MYT1L: variants seen among roughly 807,000 people sequenced by gnomAD.
MYT1L encodes myelin transcription factor 1 like.
MYT1L carries 12 observed loss-of-function variants against 126.7 expected under a neutral mutation model. The observed-to-expected ratio is 0.09, with a 90% CI of 0.06 to 0.15. The LOEUF (loss-of-function observed/expected upper bound fraction) is 0.15. MYT1L is among the 10% of genes least tolerant of loss of function. The probability of loss-of-function intolerance (pLI) is 1.00; values close to 1 mark genes in which losing one functional copy is unlikely to be tolerated. For missense variants in MYT1L, 979 were observed against 1,585.2 expected (o/e 0.62, Z 6.49); for synonymous variants, 541 against 604.2 (o/e 0.90, Z 1.53).
chr2:2,080,663 A>T (rs2075721591), intron 3 of MYT1L, among the ~76,000 whole-genome samples: 1 of 152,210 alleles, frequency 6.6e-6, no homozygotes, highest in Non-Finnish European at 1.5e-5. Flanking sequence ...TGGCTATTGC[A>T]AAAAAGGAAA....
intron 3 of MYT1L, among the ~76,000 whole-genome samples, chr2:2,068,728 CTTTT>C (rs201270937): frequency 6.0e-5 from 4 of 67,030 alleles, no homozygotes; most frequent in African/African-American, 2.1e-4. Flanking sequence ...GTAATACTGG[CTTTT>C]TTTTTTTTTT....
chr2:2,191,098 T>C (rs1258066648), intron 2 of MYT1L, among the ~76,000 whole-genome samples: 1 of 152,194 alleles, frequency 6.6e-6, no homozygotes, highest in Non-Finnish European at 1.5e-5. Flanking sequence ...CAGGTTGTTT[T>C]AAGTGAGGTC....
chr2:2,003,922 C>A (rs1448856386), intron 4 of MYT1L, among the ~76,000 whole-genome samples: 1 of 152,112 alleles, frequency 6.6e-6, no homozygotes, highest in Non-Finnish European at 1.5e-5. Flanking sequence ...GCCTTTCGTG[C>A]ATGCCTTCTT....
intron 2 of MYT1L, among the ~76,000 whole-genome samples, chr2:2,211,777 C>T (rs1379562694): frequency 6.8e-6 from 1 of 148,046 alleles, no homozygotes; most frequent in African/African-American, 2.5e-5. Flanking sequence ...TGCACTCCAG[C>T]CTGGGGACAG....
Position 1,922,237 on chromosome 2 carries a change from C to T in MYT1L, c.1483+49G>A. On this transcript the variant is annotated intron_variant, in intron 10 of 24. Coordinates refer to ENST00000647738, the MANE Select transcript of MYT1L (RefSeq NM_001303052.2). This position sits in a 1 kb window ranked among gnomAD's most constrained non-coding sequence, Gnocchi z 7.4. The stretch of plus-strand genomic sequence containing the variant: ...TGTAGACTACCACCAACATCCTTTA[C>T]CCTAGCTCATGTTTTCATGAGGCAA... The T allele has an allele frequency of 6.3e-7, 1 of 1,589,202 alleles. No individual in the cohort carries two copies. Among genetic ancestry groups the T allele is most frequent in the Admixed American group, 1.7e-5 (1 of 58,844 alleles).
intron 9 of MYT1L, among the ~76,000 whole-genome samples, chr2:1,927,435 C>T (rs1480725436): frequency 1.3e-5 from 2 of 152,178 alleles, no homozygotes; most frequent in Admixed American, 6.5e-5. Flanking sequence ...ACAAAAGAAA[C>T]GTGGTTGCTG....
chr2:1,874,601 C>T (rs918609024), intron 18 of MYT1L, among the ~76,000 whole-genome samples: 1 of 152,178 alleles, frequency 6.6e-6, no homozygotes, highest in African/African-American at 2.4e-5. Context: ...GGCCGGATGT[C>T]CTTCCTCCAT....
Position 2,094,482 on chromosome 2 carries a change from T to C in MYT1L, c.-303-40359A>G, listed in dbSNP as rs550276478. Reference sequence around the variant, plus strand: ...AAAGACACACGCACATGTATGTTTATTGCGGCACTATTTACAATAGCAAAG... The same window carrying C: ...AAAGACACACGCACATGTATGTTTACTGCGGCACTATTTACAATAGCAAAG... On this transcript the variant is annotated intron_variant, in intron 3 of 24. Coordinates refer to ENST00000647738, the MANE Select transcript of MYT1L (RefSeq NM_001303052.2). 3.3e-5 allele frequency among the ~76,000 whole-genome samples: 5 copies of C among 152,260 alleles called. No individual in the cohort carries two copies. The East Asian group carries it at 5.8e-4, about 18-fold the overall frequency.
intron 3 of MYT1L, among the ~76,000 whole-genome samples, chr2:2,099,283 G>T (rs1255500724): frequency 1.3e-5 from 2 of 152,008 alleles, no homozygotes. Context: ...CAAAATAAAA[G>T]AGAACATGTA....
At chr2:2,233,368 C>T (rs1009591135) in intron 2 of MYT1L, among the ~76,000 whole-genome samples, 4 of 152,122 alleles carry the variant, frequency 2.6e-5, no homozygotes, top group South Asian at 2.1e-4. Context: ...TCATCTCAGT[C>T]CTGGAGACCA....
At chr2:1,993,743 G>A (rs531058596) in intron 5 of MYT1L, among the ~76,000 whole-genome samples, 4 of 152,142 alleles carry the variant, frequency 2.6e-5, no homozygotes, top group South Asian at 2.1e-4. Flanking sequence ...AACATTCCAC[G>A]CCCTTTTTAG....
At chr2:2,170,459 G>A (rs751065739) in intron 3 of MYT1L, among the ~76,000 whole-genome samples, 3 of 152,200 alleles carry the variant, frequency 2.0e-5, no homozygotes, top group African/African-American at 7.2e-5. Context: ...GCAGTGATGA[G>A]CAGTTGCACG....
chr2:1,921,680 C>T (rs1431542226), intron 10 of MYT1L, among the ~76,000 whole-genome samples: 1 of 152,184 alleles, frequency 6.6e-6, no homozygotes, highest in Non-Finnish European at 1.5e-5. Flanking sequence ...CCACACCATG[C>T]CTTGCATAGC....
At chr2:1,902,190 G>A (rs10189995) in intron 14 of MYT1L, among the ~76,000 whole-genome samples, 62,377 of 152,100 alleles carry the variant, frequency 0.41, 14,647 homozygotes, top group African/African-American at 0.65. Context: ...CTAATGAAAA[G>A]CTACTTACCA....
At chr2:1,879,031 C>T (rs1337306293) in intron 18 of MYT1L, among the ~76,000 whole-genome samples, 1 of 152,096 alleles carries the variant, frequency 6.6e-6, no homozygotes, top group Non-Finnish European at 1.5e-5. Flanking sequence ...AGTCACCACC[C>T]CTGGAAGGCC....
intron 2 of MYT1L, among the ~76,000 whole-genome samples, chr2:2,239,815 A>G (rs2094401596): frequency 6.6e-6 from 1 of 152,228 alleles, no homozygotes; most frequent in Non-Finnish European, 1.5e-5. Context: ...TCATGAATGG[A>G]ACTGAGAGGT....
intron 18 of MYT1L, among the ~76,000 whole-genome samples, chr2:1,853,854 T>C (rs1159523147): frequency 6.6e-6 from 1 of 152,226 alleles, no homozygotes; most frequent in Non-Finnish European, 1.5e-5. Flanking sequence ...AATAATTCAG[T>C]GAAAATCATA....
intron 9 of MYT1L, among the ~76,000 whole-genome samples, chr2:1,932,329 T>C (rs2055117912): frequency 6.6e-6 from 1 of 152,184 alleles, no homozygotes; most frequent in Admixed American, 6.5e-5. Context: ...GCAAAGTCTT[T>C]GGAGAGGGCA....
At chr2:1,956,392 TTCTA>T (rs142890392) in intron 8 of MYT1L, among the ~76,000 whole-genome samples, 2,155 of 80,618 alleles carry the variant, frequency 0.027, 205 homozygotes, top group Middle Eastern at 0.056. Context: ...TTCCTATTCT[TTCTA>T]TCTGTCTGTC....
Sources: gnomAD v4.1 joint callset for allele counts (sites outside exome capture counted in the v4.1 genomes callset) on GRCh38, gnomAD v4.1.1 for gene constraint, Gnocchi (gnomAD v3.1) non-coding constraint, MANE v1.5 for transcripts, NCBI Gene and HGNC (gene_info 2026-07-23, HGNC 2026-07-21) for gene names.